The following PCDH17 variants were observed in gnomAD, a reference collection of about 807,000 sequenced individuals.
PCDH17 encodes protocadherin 17, also known as protocadherin-17.
Under a neutral mutation model 67.7 loss-of-function variants are expected in PCDH17, and 21 were observed. The observed-to-expected ratio is 0.31, with a 90% CI of 0.22 to 0.45. The LOEUF (loss-of-function observed/expected upper bound fraction) is 0.45. PCDH17 is among the 20% of genes least tolerant of loss of function. The probability of loss-of-function intolerance (pLI) is 1.00; values close to 1 mark genes in which losing one functional copy is unlikely to be tolerated. For missense variants in PCDH17, 1,471 were observed against 1,564.8 expected (o/e 0.94, Z 1.01); for synonymous variants, 701 against 656.7 (o/e 1.07, Z -1.03).
intron 1 of PCDH17, among the ~76,000 whole-genome samples, chr13:57,664,554 G>C (rs1955226393): frequency 6.6e-6 from 1 of 152,034 alleles, no homozygotes; most frequent in African/African-American, 2.4e-5. Context: ...ATCCTATGAG[G>C]CTCCACTTAA....
At chr13:57,676,701 T>C (rs1269574462) in intron 3 of PCDH17, among the ~76,000 whole-genome samples, 1 of 151,848 alleles carries the variant, frequency 6.6e-6, no homozygotes, top group Non-Finnish European at 1.5e-5. Context: ...ATACTCAGTA[T>C]GTTCTGTGGG....
At chr13:57,689,405 T>G (rs1305194195) in intron 3 of PCDH17, among the ~76,000 whole-genome samples, 1 of 151,912 alleles carries the variant, frequency 6.6e-6, no homozygotes, top group Non-Finnish European at 1.5e-5. Context: ...AAGTGTCAGA[T>G]AGTGAAAGGA....
chr13:57,706,169 A>G (rs1211389922), intron 3 of PCDH17, among the ~76,000 whole-genome samples: 1 of 152,154 alleles, frequency 6.6e-6, no homozygotes, highest in Non-Finnish European at 1.5e-5. Flanking sequence ...TTAAGAAAAT[A>G]TTTGTTTCAA....
intron 1 of PCDH17, among the ~76,000 whole-genome samples, chr13:57,638,029 G>A (rs1284143686): frequency 6.6e-6 from 1 of 151,948 alleles, no homozygotes; most frequent in South Asian, 2.1e-4. Flanking sequence ...AGTATAAAGT[G>A]TTTAAACAAT....
At chr13:57,641,542 C>A (rs1954892558) in intron 1 of PCDH17, among the ~76,000 whole-genome samples, 1 of 100,868 alleles carries the variant, frequency 9.9e-6, no homozygotes, top group Non-Finnish European at 1.8e-5. Flanking sequence ...AAATTGGTTT[C>A]AGACAGTGTT....
chr13:57,679,367 A>G (rs1190307276), intron 3 of PCDH17, among the ~76,000 whole-genome samples: 1 of 151,308 alleles, frequency 6.6e-6, no homozygotes, highest in South Asian at 2.1e-4. Flanking sequence ...ATACAAAAAA[A>G]AAAAAGGAGT....
At chr13:57,690,836 G>A (rs1272432572) in intron 3 of PCDH17, among the ~76,000 whole-genome samples, 1 of 151,228 alleles carries the variant, frequency 6.6e-6, no homozygotes, top group East Asian at 1.9e-4. Flanking sequence ...GATAATCTAA[G>A]CACAGCATGT....
intron 1 of PCDH17, among the ~76,000 whole-genome samples, chr13:57,641,577 AAAAAAAAAAAATATATAT>A (rs1314874478): frequency 1.9e-4 from 15 of 77,526 alleles, no homozygotes; most frequent in African/African-American, 6.7e-4. Flanking sequence ...AAAAAAAAAA[AAAAAAAAAAAATATATAT>A]ATATATATAT....
intron 1 of PCDH17, among the ~76,000 whole-genome samples, chr13:57,641,280 T>C (rs1031182382): frequency 6.6e-6 from 1 of 151,636 alleles, no homozygotes; most frequent in Non-Finnish European, 1.5e-5. Flanking sequence ...CTGCGATCTT[T>C]GGTCTTCTGG....
Position 57,633,419 on chromosome 13 carries a change from G to T in PCDH17, c.873G>T (p.Arg291=), listed in dbSNP as rs766584534. The change falls in exon 1 of 4, where the codon CGG becomes CGT. Residue 291 remains arginine, a synonymous_variant. Coordinates refer to ENST00000377918, the MANE Select transcript of PCDH17 (RefSeq NM_001040429.3). The surrounding 1 kb of genome is among the most constrained non-coding windows in gnomAD (Gnocchi z 6.2). ...GCAGCTACGTGCCTGACCGCGTGCG[G>T]GAGCTCTTCTCCATCGACCCCAAGA... The part of the protein sequence containing the change: ...SFSSYVPDRV[R]ELFSIDPKTG... 6.2e-7 allele frequency: 1 copy of T among 1,613,498 alleles called. No individual in the cohort carries two copies.
intron 1 of PCDH17, among the ~76,000 whole-genome samples, chr13:57,648,305 A>G (rs1302843091): frequency 6.6e-6 from 1 of 151,958 alleles, no homozygotes; most frequent in Non-Finnish European, 1.5e-5. Context: ...GGTAGAATCA[A>G]CATGTTGGAA....
At chr13:57,648,706 C>T (rs891536605) in intron 1 of PCDH17, among the ~76,000 whole-genome samples, 1 of 151,970 alleles carries the variant, frequency 6.6e-6, no homozygotes, top group Non-Finnish European at 1.5e-5. Flanking sequence ...TCCTACCTCA[C>T]ATTAATTATT....
chr13:57,683,080 T>G (rs1053273066), intron 3 of PCDH17, among the ~76,000 whole-genome samples: 2 of 151,836 alleles, frequency 1.3e-5, no homozygotes, highest in Non-Finnish European at 2.9e-5. Flanking sequence ...AATTTTAGCT[T>G]AGGATGTCTA....
At chr13:57,711,750 T>C (rs1207696185) in intron 3 of PCDH17, among the ~76,000 whole-genome samples, 1 of 151,332 alleles carries the variant, frequency 6.6e-6, no homozygotes, top group Non-Finnish European at 1.5e-5. Flanking sequence ...ATAATCATTT[T>C]GTCTCTATGT....
intron 3 of PCDH17, among the ~76,000 whole-genome samples, chr13:57,702,775 AC>A (rs893993614): frequency 9.9e-5 from 15 of 152,098 alleles, no homozygotes; most frequent in Non-Finnish European, 1.3e-4. Flanking sequence ...ACCCACATAG[AC>A]CCATAGGAGA....
chr13:57,648,657 G>A (rs1160775240), intron 1 of PCDH17, among the ~76,000 whole-genome samples: 1 of 151,926 alleles, frequency 6.6e-6, no homozygotes, highest in African/African-American at 2.4e-5. Context: ...GTTAACTAGA[G>A]GGACTGCTCA....
chr13:57,636,914 G>A (rs1392376440), intron 1 of PCDH17, among the ~76,000 whole-genome samples: 2 of 152,080 alleles, frequency 1.3e-5, no homozygotes, highest in Admixed American at 6.5e-5. Context: ...TGAAGGTGGT[G>A]CAGAATTTTC....
chr13:57,674,825 T>G (rs1402000394), intron 3 of PCDH17, among the ~76,000 whole-genome samples: 1 of 151,974 alleles, frequency 6.6e-6, no homozygotes, highest in Non-Finnish European at 1.5e-5. Flanking sequence ...GAGAGCATGT[T>G]CCAATATTAG....
chr13:57,672,860 T>C (rs1955339615), intron 3 of PCDH17, among the ~76,000 whole-genome samples: 1 of 151,976 alleles, frequency 6.6e-6, no homozygotes, highest in African/African-American at 2.4e-5. Context: ...TGCTTATTCC[T>C]GTGGCCCAAT....
Sources: gnomAD v4.1 joint callset for allele counts (sites outside exome capture counted in the v4.1 genomes callset) on GRCh38, gnomAD v4.1.1 for gene constraint, Gnocchi (gnomAD v3.1) non-coding constraint, MANE v1.5 for transcripts, NCBI Gene and HGNC (gene_info 2026-07-23, HGNC 2026-07-21) for gene names.